SUCLG2: variants seen among roughly 807,000 people sequenced by gnomAD.
SUCLG2 encodes the protein succinate-CoA ligase GDP-forming subunit beta, also known as succinate--CoA ligase [GDP-forming] subunit beta, mitochondrial.
A neutral mutation model predicts 47.9 loss-of-function variants in SUCLG2; 42 were observed. That is an observed-to-expected ratio of 0.88 (90% confidence interval 0.69 to 1.14). SUCLG2 has a LOEUF of 1.14. Among genes scored for constraint, SUCLG2 ranks in the 50% most tolerant of loss-of-function variants. The pLI, the probability that SUCLG2 is intolerant of heterozygous loss-of-function variation, is 0.00. For synonymous variants in SUCLG2, 195 were observed against 197.3 expected (o/e 0.99, Z 0.10); for missense variants, 571 against 525.9 (o/e 1.09, Z -0.84).
At chr3:67,652,220 T>G (rs2107390329) in intron 1 of SUCLG2, among the ~76,000 whole-genome samples, 1 of 152,080 alleles carries the variant, frequency 6.6e-6, no homozygotes, top group East Asian at 1.9e-4. Context: ...AATGTTAAAT[T>G]TAACCATAGG....
rs77518295 is a variant in SUCLG2, at chr3:67,417,881, T to C, written c.1063-17030A>G. Among the ~76,000 whole-genome samples, 101 of 152,336 alleles carry C rather than the reference T, an allele frequency of 6.6e-4. 2 individuals are homozygous for C. In the East Asian group the frequency reaches 0.019, roughly 29 times the overall value. On this transcript the variant is annotated intron_variant, in intron 9 of 10. Transcript: ENST00000307227. ...CAAGGTGGCCCATTGCATCCCTCCA[T>C]TGCATTGTTGAGGCTATAGCTGTTT... is the stretch of plus-strand genomic sequence containing the variant.
At chr3:67,544,211 G>C (rs1706800682) in intron 2 of SUCLG2, among the ~76,000 whole-genome samples, 1 of 152,170 alleles carries the variant, frequency 6.6e-6, no homozygotes, top group East Asian at 1.9e-4. Flanking sequence ...TTAGGAAGGG[G>C]AAATGGTGTC....
At chr3:67,443,957 G>C (rs1703845402) in intron 9 of SUCLG2, among the ~76,000 whole-genome samples, 1 of 111,868 alleles carries the variant, frequency 8.9e-6, no homozygotes, top group Non-Finnish European at 2.0e-5. Context: ...CCGGGAGGGA[G>C]GTGGGGGGGG....
Position 67,508,887 on chromosome 3 carries a change from G to A in SUCLG2, c.677C>T (p.Thr226Met), listed in dbSNP as rs201276721. The A allele has an allele frequency of 2.0e-5, 32 of 1,608,760 alleles. No homozygotes were observed. Among genetic ancestry groups the A allele is most frequent in the African/African-American group, 2.7e-5 (2 of 74,564 alleles). ...TTTCAGGAAGAGATTATACAGCTTC[G>A]TAATTTGATCTGCAGCCTAAATGTG... ...PLKSQAADQI[T>M]KLYNLFLKID... Residue 226 changes from threonine (T) to methionine (M), a missense_variant, in exon 7 of 11, where the codon ACG (threonine) becomes ATG (methionine). Transcript: ENST00000307227.
At chr3:67,515,370 T>C (rs1001683469) in intron 6 of SUCLG2, among the ~76,000 whole-genome samples, 1 of 152,154 alleles carries the variant, frequency 6.6e-6, no homozygotes, top group Non-Finnish European at 1.5e-5. Flanking sequence ...TATTAAGCTT[T>C]CCTATGTCTT....
chr3:67,581,568 T>G (rs1337400637), intron 2 of SUCLG2, among the ~76,000 whole-genome samples: 1 of 152,338 alleles, frequency 6.6e-6, no homozygotes, highest in East Asian at 1.9e-4. Flanking sequence ...GCAAGTTCTT[T>G]GCACCAAAGC....
chr3:67,641,654 G>C (rs1225922720), intron 1 of SUCLG2, among the ~76,000 whole-genome samples: 1 of 152,172 alleles, frequency 6.6e-6, no homozygotes, highest in East Asian at 1.9e-4. Flanking sequence ...ACCACAAAAA[G>C]TTCATTGATG....
intron 10 of SUCLG2, among the ~76,000 whole-genome samples, chr3:67,388,403 G>A (rs192772199): frequency 7.8e-4 from 119 of 152,198 alleles, no homozygotes; most frequent in African/African-American, 2.8e-3. Flanking sequence ...AAACGTCCTC[G>A]GATAGATACA....
At position 67,592,718 on chromosome 3, in the gene SUCLG2, C is replaced by CAAAAAAAAAAAAAAAAAAAAAAA. The variant is rs754866312; in HGVS notation, c.226+16736_226+16737insTTTTTTTTTTTTTTTTTTTTTTT. 6.2e-5 allele frequency among the ~76,000 whole-genome samples: 5 copies of CAAAAAAAAAAAAAAAAAAAAAAA among 80,256 alleles called. 1 individual carries two copies. The highest frequency in any genetic ancestry group is 2.6e-4 in the Admixed American group (2 of 7,776). The allele number at this position is 80,256 out of a possible 152,430, so 52.7% of individuals were successfully genotyped here. A position where few individuals can be genotyped will look rare whatever the true frequency, so the allele number is the denominator to read the frequency against. On this transcript the variant is annotated intron_variant, in intron 2 of 10. Transcript: ENST00000307227. ...AAGCATATGTAACTCTCACATCCTC[C>CAAAAAAAAAAAAAAAAAAAAAAA]AAAAAAAAAAAAAAAAAACAACAAA...
intron 4 of SUCLG2, among the ~76,000 whole-genome samples, chr3:67,524,466 T>C (rs998993625): frequency 1.3e-5 from 2 of 152,192 alleles, no homozygotes. Flanking sequence ...GTAACCACTA[T>C]TGGTACTGAA....
chr3:67,527,038 C>G (rs1461124634), intron 4 of SUCLG2, among the ~76,000 whole-genome samples: 1 of 152,158 alleles, frequency 6.6e-6, no homozygotes, highest in Non-Finnish European at 1.5e-5. Context: ...CATTGTATGC[C>G]TATATCAAAA....
chr3:67,594,368 T>A (rs1435260094), intron 2 of SUCLG2, among the ~76,000 whole-genome samples: 1 of 152,204 alleles, frequency 6.6e-6, no homozygotes, highest in Non-Finnish European at 1.5e-5. Context: ...TTTTCTAAAC[T>A]TCATTCTCAC....
intron 9 of SUCLG2, among the ~76,000 whole-genome samples, chr3:67,407,834 G>A (rs902878809): frequency 4.6e-5 from 7 of 152,126 alleles, no homozygotes; most frequent in Non-Finnish European, 1.0e-4. Flanking sequence ...ATCTGTTTTT[G>A]TGAAACTGTT....
At chr3:67,642,923 T>TGG (rs1701126432) in intron 1 of SUCLG2, among the ~76,000 whole-genome samples, 1 of 148,360 alleles carries the variant, frequency 6.7e-6, no homozygotes. Flanking sequence ...GGACTCTGTG[T>TGG]GTGTGTGTGT....
chr3:67,384,279 T>C (rs538510632), intron 10 of SUCLG2, among the ~76,000 whole-genome samples: 2 of 152,298 alleles, frequency 1.3e-5, no homozygotes, highest in South Asian at 2.1e-4. Context: ...GAGATTTAGA[T>C]AGAGATAACG....
chr3:67,623,887 ATT>A (rs1405044917), intron 1 of SUCLG2, among the ~76,000 whole-genome samples: 17 of 152,334 alleles, frequency 1.1e-4, no homozygotes, highest in African/African-American at 3.8e-4. Flanking sequence ...CTACGTGCAC[ATT>A]CACCATCACC....
chr3:67,425,594 T>C (rs766856764), intron 9 of SUCLG2, among the ~76,000 whole-genome samples: 22 of 152,182 alleles, frequency 1.4e-4, no homozygotes, highest in Non-Finnish European at 2.6e-4. Flanking sequence ...CCTTCTGCCA[T>C]TGCCATCCCT....
chr3:67,465,050 AG>A (rs1253905924), intron 9 of SUCLG2, among the ~76,000 whole-genome samples: 2 of 152,220 alleles, frequency 1.3e-5, no homozygotes, highest in African/African-American at 4.8e-5. Flanking sequence ...ATAAGAAGAT[AG>A]CCACTGTATC....
chr3:67,636,511 C>A (rs1701013037), intron 1 of SUCLG2, among the ~76,000 whole-genome samples: 1 of 152,118 alleles, frequency 6.6e-6, no homozygotes, highest in Non-Finnish European at 1.5e-5. Context: ...CGCCACTGCA[C>A]CCGGCTAATT....
Sources: allele counts gnomAD v4.1 joint callset (sites outside exome capture counted in the v4.1 genomes callset), GRCh38; gene constraint gnomAD v4.1.1; transcripts MANE v1.5; gene names NCBI Gene and HGNC (gene_info 2026-07-23, HGNC 2026-07-21).